The following TENM4 variants were observed in gnomAD, a reference collection of about 807,000 sequenced individuals.
TENM4 encodes teneurin transmembrane protein 4.
TENM4 carries 82 observed loss-of-function variants against 243.3 expected under a neutral mutation model. The ratio of observed to expected loss-of-function variants is 0.34; its 90% CI spans 0.28 to 0.40. The LOEUF is 0.40. Among genes scored for constraint, TENM4 ranks in the 10% least tolerant of loss-of-function variants. The pLI is 1.00. For synonymous variants in TENM4, 1,412 were observed against 1,456.3 expected (o/e 0.97, Z 0.69); for missense variants, 3,138 against 3,673.3 (o/e 0.85, Z 3.77).
rs530996412 is a variant in TENM4 at position 79,225,901 on chromosome 11, G to A, written c.-264-9992C>T. ...ATCACGATCATCACCTTAAAGTTAC[G>A]AAAATGAGTAATATGAATGGATCCA... On this transcript the variant is annotated intron_variant, in intron 2 of 33. Coordinates refer to ENST00000278550, the MANE Select transcript of TENM4 (RefSeq NM_001098816.3). Among the ~76,000 whole-genome samples, 21 of 152,180 alleles carry A rather than the reference G, an allele frequency of 1.4e-4. No homozygotes were observed. The East Asian group carries it at 3.5e-3, about 25-fold the overall frequency.
intron 1 of TENM4, among the ~76,000 whole-genome samples, chr11:79,412,001 A>G (rs1440091523): frequency 6.6e-6 from 1 of 152,232 alleles, no homozygotes; most frequent in East Asian, 1.9e-4. Context: ...GGAGTCTAGC[A>G]GAGCACTGAT....
intron 9 of TENM4, among the ~76,000 whole-genome samples, chr11:78,866,437 A>G (rs1374031919): frequency 6.6e-6 from 1 of 150,790 alleles, no homozygotes; most frequent in African/African-American, 2.5e-5. Context: ...ATATTTAACA[A>G]GATGCAAATA....
intron 1 of TENM4, among the ~76,000 whole-genome samples, chr11:79,432,828 C>A (rs868461632): frequency 6.6e-6 from 1 of 152,180 alleles, no homozygotes; most frequent in Non-Finnish European, 1.5e-5. Context: ...AGTTGCCATT[C>A]TAGGAGAAAC....
At chr11:79,378,951 C>T (rs1049028793) in intron 1 of TENM4, among the ~76,000 whole-genome samples, 3 of 150,986 alleles carry the variant, frequency 2.0e-5, no homozygotes, top group African/African-American at 7.3e-5. Flanking sequence ...ACCTGTAACA[C>T]AGTCCTTCTT....
intron 4 of TENM4, among the ~76,000 whole-genome samples, chr11:79,076,146 C>T (rs867633605): frequency 6.6e-6 from 1 of 152,152 alleles, no homozygotes; most frequent in Non-Finnish European, 1.5e-5. Context: ...TTTTCACATA[C>T]CCCCATGAAA....
At chr11:78,966,599 C>G (rs1007136535) in intron 6 of TENM4, among the ~76,000 whole-genome samples, 4 of 151,878 alleles carry the variant, frequency 2.6e-5, no homozygotes, top group African/African-American at 7.3e-5. Flanking sequence ...GAACCACAGC[C>G]CAGTGCAAGG....
intron 15 of TENM4, among the ~76,000 whole-genome samples, chr11:78,787,776 G>C (rs1856970437): frequency 6.6e-6 from 1 of 152,202 alleles, no homozygotes; most frequent in African/African-American, 2.4e-5. Context: ...CAAAGCAAAT[G>C]GTTTGGAGGG....
intron 1 of TENM4, among the ~76,000 whole-genome samples, chr11:79,348,225 T>C (rs1857361172): frequency 6.6e-6 from 1 of 152,216 alleles, no homozygotes; most frequent in African/African-American, 2.4e-5. Context: ...ACTGATTGAA[T>C]ATCTTTCACG....
intron 6 of TENM4, among the ~76,000 whole-genome samples, chr11:78,933,939 C>G (rs966283011): frequency 2.0e-5 from 3 of 152,074 alleles, no homozygotes; most frequent in African/African-American, 7.2e-5. Flanking sequence ...TTAAAAATAC[C>G]TTCCTGGGGA....
chr11:79,361,260 T>C (rs1857583989), intron 1 of TENM4, among the ~76,000 whole-genome samples: 1 of 152,232 alleles, frequency 6.6e-6, no homozygotes. Context: ...GGATCCTTTG[T>C]GCTTATTGCA....
chr11:78,904,359 C>CAAAAAAAAAA lies in TENM4; in HGVS notation c.494-846_494-837dup, dbSNP rs61503457. 1.8e-4 allele frequency among the ~76,000 whole-genome samples: 14 copies of CAAAAAAAAAA among 77,266 alleles called. 1 individual carries two copies. Among genetic ancestry groups the CAAAAAAAAAA allele is most frequent in the African/African-American group, 2.3e-4 (3 of 13,196 alleles). 50.7% of individuals were successfully genotyped at this position (77,266 alleles called of 152,430 possible). On this transcript the variant is annotated intron_variant, in intron 6 of 33. Coordinates refer to ENST00000278550, the MANE Select transcript of TENM4 (RefSeq NM_001098816.3). Reference sequence around the variant, plus strand: ...TGAGCTACAGAGCAAGACTCTGTCTCAAAAAAAAAAAAAAAAGTAAAACAT... The same window carrying CAAAAAAAAAA: ...TGAGCTACAGAGCAAGACTCTGTCTCAAAAAAAAAAAAAAAAAAAAAAAAAAGTAAAACAT...
chr11:79,267,079 A>C (rs1855895316), intron 2 of TENM4, among the ~76,000 whole-genome samples: 1 of 152,100 alleles, frequency 6.6e-6, no homozygotes, highest in Non-Finnish European at 1.5e-5. Flanking sequence ...CCATCTACCT[A>C]GTTACTCCAG....
chr11:78,704,864 G>C (rs2135779569), intron 27 of TENM4, among the ~76,000 whole-genome samples: 1 of 152,320 alleles, frequency 6.6e-6, no homozygotes, highest in South Asian at 2.1e-4. Flanking sequence ...TGTCCCTGCA[G>C]CTCAGGGACA....
chr11:78,762,387 A>T (rs568172031), intron 18 of TENM4, among the ~76,000 whole-genome samples: 62 of 152,334 alleles, frequency 4.1e-4, no homozygotes, highest in Non-Finnish European at 6.3e-4. Flanking sequence ...GTTTGGCCTT[A>T]GAGAACTGAA....
chr11:79,151,022 A>T (rs1862498692), intron 3 of TENM4, among the ~76,000 whole-genome samples: 1 of 152,132 alleles, frequency 6.6e-6, no homozygotes, highest in East Asian at 1.9e-4. Context: ...CAGAACAGGG[A>T]TTCAAACCGC....
At chr11:79,270,390 T>C (rs1855949385) in intron 2 of TENM4, among the ~76,000 whole-genome samples, 2 of 152,216 alleles carry the variant, frequency 1.3e-5, no homozygotes. Flanking sequence ...GGCATGTGAA[T>C]TATATTCAAA....
intron 18 of TENM4, 67 bp downstream of exon 18, chr11:78,770,925 T>G: frequency 6.5e-7 from 1 of 1,537,266 alleles, no homozygotes; most frequent in Non-Finnish European, 8.8e-7. Context: ...CTCAGTAATA[T>G]CCATTCTCCA....
intron 1 of TENM4, among the ~76,000 whole-genome samples, chr11:79,413,843 T>C (rs1179655547): frequency 6.6e-6 from 1 of 152,062 alleles, no homozygotes; most frequent in Non-Finnish European, 1.5e-5. Context: ...TGCTAAAGTA[T>C]GTAAAAAAGA....
chr11:79,173,899 T>C (rs1863103847), intron 3 of TENM4, among the ~76,000 whole-genome samples: 1 of 152,210 alleles, frequency 6.6e-6, no homozygotes, highest in East Asian at 1.9e-4. Context: ...GGGAATGTTG[T>C]CATTTGTGCA....
Sources: allele counts gnomAD v4.1 joint callset (sites outside exome capture counted in the v4.1 genomes callset), GRCh38; gene constraint gnomAD v4.1.1; transcripts MANE v1.5; gene names NCBI Gene and HGNC (gene_info 2026-07-23, HGNC 2026-07-21).